Variants in MGAT4C observed in about 807,000 individuals in gnomAD.
MGAT4C encodes MGAT4 family member C.
A neutral mutation model predicts 40.1 loss-of-function variants in MGAT4C; 19 were observed. The observed-to-expected ratio is 0.47, with a 90% confidence interval of 0.33 to 0.70. MGAT4C has a LOEUF of 0.70. Among genes scored for constraint, MGAT4C ranks in the 30% least tolerant of loss-of-function variants. The pLI is 0.02. For synonymous variants in MGAT4C, 181 were observed against 187.1 expected (o/e 0.97, Z 0.27); for missense variants, 491 against 563.2 (o/e 0.87, Z 1.30).
At chr12:86,476,706 A>ATT (rs532393321) in intron 2 of MGAT4C, among the ~76,000 whole-genome samples, 4 of 152,302 alleles carry the variant, frequency 2.6e-5, no homozygotes, top group South Asian at 4.1e-4. Flanking sequence ...GATTGGATAA[A>ATT]GAAAATATGG....
chr12:86,479,742 C>T (rs940474051), intron 2 of MGAT4C, among the ~76,000 whole-genome samples: 4 of 151,764 alleles, frequency 2.6e-5, no homozygotes, highest in African/African-American at 9.7e-5. Flanking sequence ...AAGAGTGGAG[C>T]CTTTTCACTT....
chr12:86,288,615 A>G (rs1047275993), intron 4 of MGAT4C, among the ~76,000 whole-genome samples: 16 of 152,000 alleles, frequency 1.1e-4, no homozygotes, highest in Non-Finnish European at 2.4e-4. Flanking sequence ...TCCTTTCCCT[A>G]TTGCTTGTTT....
intron 1 of MGAT4C, among the ~76,000 whole-genome samples, chr12:86,733,275 T>C (rs1950938841): frequency 6.6e-6 from 1 of 152,114 alleles, no homozygotes; most frequent in Non-Finnish European, 1.5e-5. Flanking sequence ...TTTCCCTTAA[T>C]TATTTCTGGA....
chr12:86,629,080 G>GA (rs970665761), intron 2 of MGAT4C, among the ~76,000 whole-genome samples: 5 of 149,306 alleles, frequency 3.3e-5, no homozygotes, highest in Admixed American at 6.7e-5. Context: ...CAAATGGAAA[G>GA]AAAAAAAAAC....
rs1491057753 is a variant in MGAT4C at position 86,122,787 on chromosome 12, CGT to C, written c.-56-73066_-56-73065del. Among the ~76,000 whole-genome samples the C allele has an allele frequency of 5.3e-5, 8 of 151,840 alleles. No homozygotes were observed. The South Asian group carries it at 6.2e-4, about 12-fold the overall frequency. ...TAATGTGTGTGTATGTGTATATGTT[CGT>C]GTGTGTGTGTATATATATAAGTATG... On this transcript the variant is annotated intron_variant, in intron 1 of 4. Transcript: ENST00000611864.
chr12:86,007,891 G>C (rs1193524945), intron 2 of MGAT4C, among the ~76,000 whole-genome samples: 1 of 150,482 alleles, frequency 6.6e-6, no homozygotes, highest in African/African-American at 2.4e-5. Context: ...TAAATTAAGT[G>C]TATGGTGTGA....
At chr12:86,541,829 G>A (rs781738630) in intron 2 of MGAT4C, among the ~76,000 whole-genome samples, 7 of 152,030 alleles carry the variant, frequency 4.6e-5, no homozygotes, top group Non-Finnish European at 1.0e-4. Flanking sequence ...GTCATCTTTA[G>A]CTTTGTATAA....
chr12:86,442,487 T>A (rs1957251158), intron 2 of MGAT4C, among the ~76,000 whole-genome samples: 1 of 152,292 alleles, frequency 6.6e-6, no homozygotes, highest in Admixed American at 6.5e-5. Context: ...GGTCTAACAT[T>A]TAAGTGTTTA....
rs79616897 is a variant in MGAT4C at position 86,408,101 on chromosome 12, C to T, written c.-120+27056G>A. ...ATCAAGACACACACACACACATACA[C>T]GCACACACACACAACTGCAGAAATG... On this transcript the variant is annotated intron_variant, in intron 3 of 7. Coordinates refer to the MGAT4C transcript ENST00000548651. Among the ~76,000 whole-genome samples the T allele has an allele frequency of 4.4e-4, 67 of 152,090 alleles. 1 individual carries two copies. The highest frequency in any genetic ancestry group is 1.1e-3 in the African/African-American group (44 of 41,520).
rs1283640753 is a variant in MGAT4C at position 85,960,431 on chromosome 12, A to G, written c.*18858T>C. ...TAGAATAAGGATAACAATACTTATCACACAGATTTGTGGTCTGAATCACAT... is the reference window on the plus strand; with the variant it reads ...TAGAATAAGGATAACAATACTTATCGCACAGATTTGTGGTCTGAATCACAT... On this transcript the variant is annotated 3_prime_UTR_variant, in exon 5 of 5. Transcript: ENST00000611864. The G allele has an allele frequency of 1.3e-5, 2 of 152,080 alleles. No homozygotes were observed. The highest frequency in any genetic ancestry group is 2.4e-5 in the African/African-American group (1 of 41,448). 9.4% of individuals were successfully genotyped at this position (152,080 alleles called of 1,614,324 possible). A position where few individuals can be genotyped will look rare whatever the true frequency, so the allele number is the denominator to read the frequency against.
chr12:86,058,649 ATGTCTTCTAGGTTTGAAATGAAAT>A (rs1247766754), intron 1 of MGAT4C, among the ~76,000 whole-genome samples: 2 of 152,134 alleles, frequency 1.3e-5, no homozygotes, highest in Non-Finnish European at 2.9e-5. Flanking sequence ...CAACATATAT[ATGTCTTCTAGGTTTGAAATGAAAT>A]TAATTCATGG....
At chr12:86,211,007 T>G (rs113913676) in intron 1 of MGAT4C, among the ~76,000 whole-genome samples, 3,909 of 151,974 alleles carry the variant, frequency 0.026, 88 homozygotes, top group Non-Finnish European at 0.043. Flanking sequence ...AGCACAGTGC[T>G]AATCAAACAT....
At chr12:86,591,573 T>C (rs1038299460) in intron 2 of MGAT4C, among the ~76,000 whole-genome samples, 1 of 151,864 alleles carries the variant, frequency 6.6e-6, no homozygotes. Context: ...AAAACAAATA[T>C]CAAAATTAAA....
chr12:86,142,340 A>G (rs1882951531), intron 1 of MGAT4C, among the ~76,000 whole-genome samples: 1 of 152,138 alleles, frequency 6.6e-6, no homozygotes, highest in African/African-American at 2.4e-5. Flanking sequence ...TCAGCTGTCA[A>G]TTCCATTTTC....
chr12:86,223,600 C>A (rs976891365), intron 1 of MGAT4C, among the ~76,000 whole-genome samples: 2 of 152,170 alleles, frequency 1.3e-5, no homozygotes, highest in African/African-American at 4.8e-5. Context: ...GCCTGAGAAC[C>A]ACCCTGCCCC....
chr12:86,042,348 A>G (rs1891939836), intron 2 of MGAT4C, among the ~76,000 whole-genome samples: 1 of 152,106 alleles, frequency 6.6e-6, no homozygotes, highest in South Asian at 2.1e-4. Flanking sequence ...TGATCCTGTC[A>G]TTGTGTTGTT....
At chr12:86,028,009 C>T in intron 2 of MGAT4C, 1 of 586,368 alleles carries the variant, frequency 1.7e-6, no homozygotes. Flanking sequence ...AAGTTGTATA[C>T]ATTCTCCAGG....
rs370272919 is a variant in MGAT4C, at chr12:85,960,844, G to T, written c.*18445C>A. 2.0e-5 allele frequency: 3 copies of T among 152,006 alleles called. 1 individual carries two copies. Among genetic ancestry groups the T allele is most frequent in the African/African-American group, 7.2e-5 (3 of 41,528 alleles). The allele number at this position is 152,006 out of a possible 1,614,324, so 9.4% of individuals were successfully genotyped here. On this transcript the variant is annotated 3_prime_UTR_variant, in exon 5 of 5. Coordinates refer to ENST00000611864, the MANE Select transcript of MGAT4C (RefSeq NM_001351288.2). ...ATTGAAAAAATTCACTCTTACCACTGATTTGATTGATACTGAGCCTGTAAA... is the reference window on the plus strand; with the variant it reads ...ATTGAAAAAATTCACTCTTACCACTTATTTGATTGATACTGAGCCTGTAAA...
rs1006531002 is a variant in MGAT4C at position 86,480,546 on chromosome 12, G to A, written c.-228-45281C>T. ...TATAGATATGTACACAAATACATAT[G>A]TATGTATACATATATAGATATGTAC... is the stretch of plus-strand genomic sequence containing the variant. On this transcript the variant is annotated intron_variant, in intron 2 of 7. Transcript: ENST00000548651. Among the ~76,000 whole-genome samples, 13 of 121,070 alleles carry A rather than the reference G, an allele frequency of 1.1e-4. 1 individual carries two copies. The highest frequency in any genetic ancestry group is 4.0e-4 in the African/African-American group (13 of 32,790). 79.4% of individuals were successfully genotyped at this position (121,070 alleles called of 152,430 possible).
Sources: gnomAD v4.1 joint callset for allele counts (sites outside exome capture counted in the v4.1 genomes callset) on GRCh38, gnomAD v4.1.1 for gene constraint, MANE v1.5 for transcripts, NCBI Gene and HGNC (gene_info 2026-07-23, HGNC 2026-07-21) for gene names.